Variants in ZBTB20 observed in about 807,000 individuals in gnomAD.
ZBTB20 encodes zinc finger and BTB domain-containing protein 20.
A neutral mutation model predicts 56.9 loss-of-function variants in ZBTB20; 9 were observed. The observed-to-expected ratio is 0.16, with a 90% confidence interval of 0.10 to 0.28. ZBTB20 has a LOEUF of 0.28. ZBTB20 is among the 10% of genes least tolerant of loss of function. The pLI is 1.00. For synonymous variants in ZBTB20, 417 were observed against 420.7 expected, an observed-to-expected ratio of 0.99 and a Z score of 0.11; for missense variants, 655 against 1,003.0, an observed-to-expected ratio of 0.65 and a Z score of 4.69.
chr3:114,500,642 G>A (rs1032316973), intron 6 of ZBTB20, among the ~76,000 whole-genome samples: 2 of 152,166 alleles, frequency 1.3e-5, no homozygotes, highest in African/African-American at 2.4e-5. Context: ...CACAAGGAGT[G>A]CAAAGACCTT....
intron 6 of ZBTB20, among the ~76,000 whole-genome samples, chr3:114,679,590 T>C (rs866584739): frequency 1.3e-4 from 20 of 152,220 alleles, no homozygotes; most frequent in African/African-American, 1.9e-4. Flanking sequence ...TAAGATACTA[T>C]CTCACGCCAG....
At chr3:114,499,913 T>G (rs191113555) in intron 7 of ZBTB20, among the ~76,000 whole-genome samples, 1 of 152,156 alleles carries the variant, frequency 6.6e-6, no homozygotes, top group East Asian at 1.9e-4. Context: ...TATTAGAAAT[T>G]TTGTCAATAA....
chr3:114,670,405 G>A (rs2061300132), intron 6 of ZBTB20, among the ~76,000 whole-genome samples: 1 of 152,002 alleles, frequency 6.6e-6, no homozygotes, highest in Non-Finnish European at 1.5e-5. Flanking sequence ...TTCTGAGTTG[G>A]CAATATTTTT....
At chr3:114,677,563 C>T (rs1332128495) in intron 6 of ZBTB20, among the ~76,000 whole-genome samples, 3 of 152,144 alleles carry the variant, frequency 2.0e-5, no homozygotes, top group Non-Finnish European at 4.4e-5. Flanking sequence ...CTGAAACCAT[C>T]CCCACACCTC....
At chr3:114,355,777 A>C (rs1044188743) in intron 10 of ZBTB20, among the ~76,000 whole-genome samples, 1 of 152,094 alleles carries the variant, frequency 6.6e-6, no homozygotes. Flanking sequence ...TGGTGTGAAA[A>C]TGCTAACTCT....
chr3:114,999,198 G>A (rs985647689), intron 2 of ZBTB20, among the ~76,000 whole-genome samples: 10 of 144,792 alleles, frequency 6.9e-5, no homozygotes, highest in African/African-American at 2.6e-4. Flanking sequence ...GGAAGGAAAG[G>A]AAAGGAGGAG....
At chr3:114,394,565 T>C (rs567312227) in intron 7 of ZBTB20, among the ~76,000 whole-genome samples, 1 of 152,264 alleles carries the variant, frequency 6.6e-6, no homozygotes, top group African/African-American at 2.4e-5. Context: ...CCTCTAACAG[T>C]CTTCTCAAAC....
intron 2 of ZBTB20, among the ~76,000 whole-genome samples, chr3:115,067,394 T>TA (rs1401712534): frequency 6.6e-6 from 1 of 152,048 alleles, no homozygotes; most frequent in South Asian, 2.1e-4. Context: ...GAGTGCCTCT[T>TA]AAAAAATTTA....
chr3:114,934,386 T>C (rs2076461445), intron 3 of ZBTB20, among the ~76,000 whole-genome samples: 1 of 152,222 alleles, frequency 6.6e-6, no homozygotes, highest in African/African-American at 2.4e-5. Context: ...AAATCGCTCA[T>C]TCCTTTTTCT....
At chr3:114,687,609 T>TAAAA (rs201910158) in intron 6 of ZBTB20, 32 of 105,360 alleles carry the variant, frequency 3.0e-4, no homozygotes, top group South Asian at 5.6e-4. Context: ...AGTTGAAAGG[T>TAAAA]AAAAAAAAAA....
intron 6 of ZBTB20, among the ~76,000 whole-genome samples, chr3:114,629,909 C>A (rs1208617751): frequency 6.6e-6 from 1 of 152,098 alleles, no homozygotes; most frequent in South Asian, 2.1e-4. Context: ...GTAATCCCAG[C>A]ACTTAGGGCC....
At chr3:114,584,439 A>C (rs2054967185) in intron 6 of ZBTB20, among the ~76,000 whole-genome samples, 1 of 152,138 alleles carries the variant, frequency 6.6e-6, no homozygotes, top group Admixed American at 6.5e-5. Flanking sequence ...CAAATTGTTC[A>C]TTCACGTATT....
chr3:114,992,668 G>A (rs1256303763), intron 2 of ZBTB20, among the ~76,000 whole-genome samples: 2 of 151,816 alleles, frequency 1.3e-5, no homozygotes, highest in Non-Finnish European at 2.9e-5. Context: ...CAGAAGCTGA[G>A]ACTCCCACTT....
chr3:114,356,876 C>G (rs1459674523), intron 10 of ZBTB20, among the ~76,000 whole-genome samples: 1 of 152,160 alleles, frequency 6.6e-6, no homozygotes, highest in Non-Finnish European at 1.5e-5. Context: ...TGACTCTGCA[C>G]CACCCCACTC....
chr3:114,723,779 C>T (rs2065076644), intron 5 of ZBTB20, among the ~76,000 whole-genome samples: 1 of 152,202 alleles, frequency 6.6e-6, no homozygotes, highest in Non-Finnish European at 1.5e-5. Flanking sequence ...ATTAGCCTCA[C>T]ATTATTGTGA....
chr3:114,823,653 A>G (rs1217550467), intron 4 of ZBTB20, among the ~76,000 whole-genome samples: 1 of 152,098 alleles, frequency 6.6e-6, no homozygotes, highest in Non-Finnish European at 1.5e-5. Context: ...ATGCAAAAAC[A>G]TAGCGTGAAA....
chr3:114,351,392 G>A lies in ZBTB20; in HGVS notation c.686C>T (p.Ser229Leu). The change falls in exon 11 of 12, where the codon TCG becomes TTG. Residue 229 changes from serine to leucine, a missense_variant. Ser to Leu is a moderately radical substitution (Grantham distance 145). Around this residue, in one of 10 missense-constraint regions of ZBTB20, gnomAD observed 167 missense variants for 281.9 expected, o/e 0.59. Coordinates refer to ENST00000675478, the MANE Select transcript of ZBTB20 (RefSeq NM_001348800.3). ...GTSGQSSDTE[S>L]GYLQSHPQHS... ...CTGTGGGTGGCTCTGCAGGTAGCCC[G>A]ACTCCGTGTCGCTGCTCTGGCCTGA... is the stretch of plus-strand genomic sequence containing the variant. The A allele has an allele frequency of 1.2e-6, 2 of 1,612,152 alleles. No individual in the cohort carries two copies. The highest frequency in any genetic ancestry group is 1.7e-6 in the Non-Finnish European group (2 of 1,179,890).
chr3:115,134,496 A>G (rs570139362), intron 1 of ZBTB20, among the ~76,000 whole-genome samples: 139 of 151,886 alleles, frequency 9.2e-4, no homozygotes, highest in Non-Finnish European at 1.6e-3. Context: ...TTTTTTTTCA[A>G]TATTTCATCA....
At chr3:114,888,347 T>C (rs2076683172) in intron 4 of ZBTB20, among the ~76,000 whole-genome samples, 2 of 151,950 alleles carry the variant, frequency 1.3e-5, no homozygotes, top group Non-Finnish European at 2.9e-5. Flanking sequence ...GCCTGGGAGG[T>C]TGAGACTGCA....
Sources: gnomAD v4.1 joint callset for allele counts (sites outside exome capture counted in the v4.1 genomes callset) on GRCh38, gnomAD v4.1.1 for gene constraint, gnomAD v4.1.1 regional missense constraint, MANE v1.5 for transcripts, NCBI Gene and HGNC (gene_info 2026-07-23, HGNC 2026-07-21) for gene names.